Variants in SYTL3 observed in about 807,000 individuals in gnomAD.
SYTL3 encodes synaptotagmin like 3.
SYTL3 carries 88 observed loss-of-function variants against 82.1 expected under a neutral mutation model. The observed-to-expected ratio is 1.07, with a 90% confidence interval of 0.90 to 1.28. The LOEUF (loss-of-function observed/expected upper bound fraction) is 1.28, where lower values mean the gene tolerates loss of function less well. Ranked by LOEUF, SYTL3 falls within the 50% of genes most tolerant of loss-of-function variation. SYTL3 has a pLI of 0.00. For missense variants in SYTL3, 831 were observed against 757.6 expected, an observed-to-expected ratio of 1.10 and a Z score of -1.14; for synonymous variants, 311 against 289.4, an observed-to-expected ratio of 1.07 and a Z score of -0.76.
At chr6:158,682,402 C>T (rs189940011) in intron 5 of SYTL3, among the ~76,000 whole-genome samples, 1 of 146,366 alleles carries the variant, frequency 6.8e-6, no homozygotes, top group African/African-American at 2.6e-5. Flanking sequence ...CTCTGCCGCC[C>T]AGGCTGGAGT....
intron 6 of SYTL3, among the ~76,000 whole-genome samples, chr6:158,705,866 C>T (rs578149993): frequency 6.6e-6 from 1 of 152,262 alleles, no homozygotes; most frequent in Admixed American, 6.5e-5. Context: ...TGCTGTGCAC[C>T]AGCTGTCTCC....
chr6:158,724,876 G>A (rs1339744064), intron 10 of SYTL3, among the ~76,000 whole-genome samples: 1 of 152,160 alleles, frequency 6.6e-6, no homozygotes, highest in African/African-American at 2.4e-5. Flanking sequence ...TTAGCCAGGT[G>A]TGGTGGCACA....
intron 4 of SYTL3, among the ~76,000 whole-genome samples, chr6:158,664,085 A>G (rs1789716132): frequency 1.3e-5 from 2 of 152,186 alleles, no homozygotes; most frequent in South Asian, 2.1e-4. Context: ...ATCAATGTCT[A>G]TGGAGGAAGT....
intron 6 of SYTL3, among the ~76,000 whole-genome samples, chr6:158,691,837 G>C (rs1213577400): frequency 4.6e-5 from 7 of 150,854 alleles, no homozygotes; most frequent in African/African-American, 1.2e-4. Flanking sequence ...ATTTTTAGTA[G>C]AGACGGGGTT....
intron 5 of SYTL3, among the ~76,000 whole-genome samples, chr6:158,671,343 G>A (rs931230110): frequency 6.6e-6 from 1 of 152,140 alleles, no homozygotes; most frequent in Non-Finnish European, 1.5e-5. Context: ...AATATTCTCT[G>A]TTGTCACCTT....
chr6:158,726,071 T>C, intron 11 of SYTL3: 1 of 511,332 alleles, frequency 2.0e-6, no homozygotes, highest in Admixed American at 2.6e-5. Flanking sequence ...ATCAATGTAG[T>C]GAAACATTAG....
At position 158,764,576 on chromosome 6, in the gene SYTL3, G is replaced by A. The variant is rs768240587; in HGVS notation, c.1805G>A (p.Trp602Ter). 5 of 1,613,980 alleles carry A rather than the reference G, an allele frequency of 3.1e-6. No homozygotes were observed. Among genetic ancestry groups the A allele is most frequent in the South Asian group, 1.1e-5 (1 of 91,082 alleles). The change falls in exon 18 of 18, where the codon TGG becomes TAG. Residue 602 changes from tryptophan to a stop codon, truncating the protein, a stop_gained. Coordinates refer to ENST00000611299, the MANE Select transcript of SYTL3 (RefSeq NM_001242394.2). LOFTEE classifies it high-confidence loss of function. ...AAAGTCCTTTCCAGCCCCAATCTAT[G>A]GACAGACATGACTCTTGTCCTGCAC... ...WQKVLSSPNL[W>*]TDMTLVLH
chr6:158,653,274 C>T (rs1022619189), intron 2 of SYTL3, among the ~76,000 whole-genome samples: 9 of 152,094 alleles, frequency 5.9e-5, no homozygotes, highest in African/African-American at 1.4e-4. Flanking sequence ...TGGGAGGCCA[C>T]GGTGGGCAGA....
chr6:158,667,167 GA>G (rs992516608), intron 5 of SYTL3, among the ~76,000 whole-genome samples: 4 of 152,134 alleles, frequency 2.6e-5, no homozygotes, highest in African/African-American at 9.7e-5. Context: ...TTCTACCAAT[GA>G]ACTGTAAACG....
chr6:158,656,990 T>C (rs1415549712), intron 2 of SYTL3, among the ~76,000 whole-genome samples: 1 of 152,210 alleles, frequency 6.6e-6, no homozygotes, highest in Non-Finnish European at 1.5e-5. Flanking sequence ...ATCTTGCTAG[T>C]GTAAGTGACC....
chr6:158,669,725 G>A (rs1777146210), intron 5 of SYTL3, among the ~76,000 whole-genome samples: 1 of 152,170 alleles, frequency 6.6e-6, no homozygotes, highest in African/African-American at 2.4e-5. Flanking sequence ...TTCTCAGGTT[G>A]GGTCTTGAGT....
Position 158,708,322 on chromosome 6 carries a change from C to G in SYTL3, c.447C>G (p.Ser149Arg). The change falls in exon 8 of 18, where the codon AGC (serine) becomes AGG (arginine). Residue 149 changes from serine to arginine, a missense_variant and splice_region_variant. Ser to Arg is a moderately radical substitution (Grantham distance 110, BLOSUM62 -1). Coordinates refer to ENST00000611299, the MANE Select transcript of SYTL3 (RefSeq NM_001242394.2). Reference sequence around the variant, plus strand: ...CTTATGCCTGTGTTTTCCTTGGCAGCAAAATTTCTGTGGTTCCTCCTACTC... The same window carrying G: ...CTTATGCCTGTGTTTTCCTTGGCAGGAAAATTTCTGTGGTTCCTCCTACTC... ...GQLLQSYQKL[S>R]KISVVPPTPP... 6.2e-7 allele frequency: 1 copy of G among 1,614,016 alleles called. No homozygotes were observed. Among genetic ancestry groups the G allele is most frequent in the Non-Finnish European group, 8.5e-7 (1 of 1,179,900 alleles).
At chr6:158,719,855 C>T (rs551248417) in intron 10 of SYTL3, among the ~76,000 whole-genome samples, 6 of 151,498 alleles carry the variant, frequency 4.0e-5, no homozygotes, top group South Asian at 2.1e-4. Context: ...TTTGGGAAGC[C>T]GAGGTGGGCA....
chr6:158,764,422 A>G (rs1790491965), intron 17 of SYTL3, 73 bp from the exon 18 acceptor site: 3 of 1,188,756 alleles, frequency 2.5e-6, no homozygotes, highest in South Asian at 2.6e-5. Flanking sequence ...GCTGGTCATC[A>G]TTTTTAAAGG....
rs150570272 is a variant in SYTL3, at chr6:158,703,606, C to G, written c.395-3624C>G. 6.8e-3 allele frequency among the ~76,000 whole-genome samples: 1,030 copies of G among 152,232 alleles called. 9 individuals carry two copies. Among genetic ancestry groups the G allele is most frequent in the African/African-American group, 0.024 (1,010 of 41,520 alleles). On this transcript the variant is annotated intron_variant, in intron 6 of 17. Coordinates refer to ENST00000611299, the MANE Select transcript of SYTL3 (RefSeq NM_001242394.2). The stretch of plus-strand genomic sequence containing the variant: ...ACACAGGGCAGTGCTGCTCCAACTT[C>G]CTTGAGTTCTCAAATCTGCCCGGAT...
Position 158,764,714 on chromosome 6 carries a change from C to G in SYTL3, c.*110C>G. The G allele has an allele frequency of 1.4e-6, 1 of 723,074 alleles. No homozygotes were observed. 44.8% of individuals were successfully genotyped at this position (723,074 alleles called of 1,614,324 possible). A position where few individuals can be genotyped will look rare whatever the true frequency, so the allele number is the denominator to read the frequency against. On this transcript the variant is annotated 3_prime_UTR_variant, in exon 18 of 18. Transcript: ENST00000611299. The stretch of plus-strand genomic sequence containing the variant: ...AGCTGGAGACCCCTTTGACCTTGAG[C>G]AGTCTCCATCTGCGGCCCTGTCCCA...
chr6:158,649,967 G>C (rs1787784512), upstream of SYTL3: 1 of 152,180 alleles, frequency 6.6e-6, no homozygotes, highest in African/African-American at 2.4e-5. Flanking sequence ...CACTGCGTCA[G>C]CCTGTGCCCG....
At position 158,725,650 on chromosome 6, in the gene SYTL3, C is replaced by T. The variant is rs1784627782; in HGVS notation, c.855+13C>T. On this transcript the variant is annotated intron_variant, in intron 11 of 17. Transcript: ENST00000611299. ...AGGTTTTAGACACGTGAGTCTCATT[C>T]CAATGCTCTTTTTTTGTTTTTTTGT... 3 of 1,601,152 alleles carry T rather than the reference C, an allele frequency of 1.9e-6. No homozygotes were observed. Among genetic ancestry groups the T allele is most frequent in the Middle Eastern group, 3.3e-4 (2 of 6,034 alleles).
intron 9 of SYTL3, among the ~76,000 whole-genome samples, chr6:158,715,641 C>CT (rs1783315583): frequency 2.0e-5 from 1 of 50,874 alleles, no homozygotes; most frequent in African/African-American, 5.6e-5. Flanking sequence ...CCCCCCATAC[C>CT]CCCCCACCAC....
Sources: gnomAD v4.1 joint callset for allele counts (sites outside exome capture counted in the v4.1 genomes callset) on GRCh38, gnomAD v4.1.1 for gene constraint, MANE v1.5 for transcripts, NCBI Gene and HGNC (gene_info 2026-07-23, HGNC 2026-07-21) for gene names.